The following PTPRZ1 variants were observed in gnomAD, a reference collection of about 807,000 sequenced individuals.
PTPRZ1 encodes receptor-type tyrosine-protein phosphatase zeta.
Under a neutral mutation model 214.1 loss-of-function variants are expected in PTPRZ1, and 82 were observed. That is an observed-to-expected ratio of 0.38 (90% CI 0.32 to 0.46). The LOEUF is 0.46. Among genes scored for constraint, PTPRZ1 ranks in the 20% least tolerant of loss-of-function variants. The pLI is 1.00. For synonymous variants in PTPRZ1, 945 were observed against 987.9 expected (o/e 0.96, Z 0.81); for missense variants, 2,603 against 2,748.7 (o/e 0.95, Z 1.19).
At position 122,013,143 on chromosome 7, in the gene PTPRZ1, C is replaced by G; in HGVS notation, c.4097C>G (p.Ser1366Cys). The change falls in exon 12 of 30, where the codon TCT becomes TGT. Residue 1366 changes from serine to cysteine, a missense_variant. By Grantham distance (112) the Ser-to-Cys change is moderately radical. This residue lies in a region of PTPRZ1 where 1,913 missense variants were observed against 1,914.3 expected (regional missense o/e 1.00). Coordinates refer to ENST00000393386, the MANE Select transcript of PTPRZ1 (RefSeq NM_002851.3). ...GATACATTTGTATCTACTGATCATT[C>G]TGTTCCTATAGGAAATGGGCATGTT... Reference protein sequence around the residue: ...ASDTFVSTDHSVPIGNGHVAI... With the variant: ...ASDTFVSTDHCVPIGNGHVAI... 1 of 1,614,000 alleles carries G rather than the reference C, an allele frequency of 6.2e-7. No homozygotes were observed. Among genetic ancestry groups the G allele is most frequent in the Non-Finnish European group, 8.5e-7 (1 of 1,179,874 alleles).
chr7:121,924,415 T>C (rs1320508192), intron 1 of PTPRZ1, among the ~76,000 whole-genome samples: 2 of 152,192 alleles, frequency 1.3e-5, no homozygotes, highest in African/African-American at 2.4e-5. Flanking sequence ...GGGTACTCTC[T>C]CACGCCCAAG....
chr7:121,997,095 C>G (rs953571043), intron 9 of PTPRZ1, among the ~76,000 whole-genome samples: 2 of 152,114 alleles, frequency 1.3e-5, no homozygotes, highest in Non-Finnish European at 2.9e-5. Flanking sequence ...CCAGCGCATG[C>G]GAATAAAGTA....
chr7:122,026,462 C>T (rs555049847), intron 13 of PTPRZ1, among the ~76,000 whole-genome samples: 1 of 152,290 alleles, frequency 6.6e-6, no homozygotes, highest in African/African-American at 2.4e-5. Flanking sequence ...ATGCTCCATT[C>T]ATAGTTGCAC....
rs1055083611 is a variant in PTPRZ1, at chr7:122,061,225, G to A, written c.*5G>A. 8 of 1,579,218 alleles carry A rather than the reference G, an allele frequency of 5.1e-6. No homozygotes were observed. Among genetic ancestry groups the A allele is most frequent in the Admixed American group, 1.8e-5 (1 of 56,802 alleles). On this transcript the variant is annotated 3_prime_UTR_variant, in exon 30 of 30. Coordinates refer to ENST00000393386, the MANE Select transcript of PTPRZ1 (RefSeq NM_002851.3). ...AGCTTAGAGTCTTTAGTTTAACACA[G>A]AAAGGGGTGGGGGAACTCACATCTG...
At chr7:121,890,695 G>A (rs571916191) in intron 1 of PTPRZ1, among the ~76,000 whole-genome samples, 1 of 151,786 alleles carries the variant, frequency 6.6e-6, no homozygotes, top group Non-Finnish European at 1.5e-5. Flanking sequence ...TTTAGAGACA[G>A]GTCTCCCTCT....
chr7:122,041,728 A>T (rs114407377), intron 21 of PTPRZ1, among the ~76,000 whole-genome samples: 1 of 152,304 alleles, frequency 6.6e-6, no homozygotes, highest in African/African-American at 2.4e-5. Flanking sequence ...ATTGTTATCA[A>T]AGCAGTGTGT....
At position 122,013,653 on chromosome 7, in the gene PTPRZ1, A is replaced by G; in HGVS notation, c.4607A>G (p.Glu1536Gly). Residue 1536 changes from glutamate (E) to glycine (G), a missense_variant, in exon 12 of 30, where the codon GAA becomes GGA. Physicochemically the swap from Glu to Gly is moderately conservative, Grantham distance 98 (BLOSUM62 -2). Coordinates refer to ENST00000393386, the MANE Select transcript of PTPRZ1 (RefSeq NM_002851.3). Reference protein sequence around the residue: ...TGSALLPLSPESKAWAVLTSD... With the variant: ...TGSALLPLSPGSKAWAVLTSD... ...AGTGCTCTGCTTCCTCTCAGCCCTGAATCTAAAGCATGGGCAGTTCTGACA... is the reference window on the plus strand; with the variant it reads ...AGTGCTCTGCTTCCTCTCAGCCCTGGATCTAAAGCATGGGCAGTTCTGACA... 3 of 1,614,230 alleles carry G rather than the reference A, an allele frequency of 1.9e-6. No individual in the cohort carries two copies. Among genetic ancestry groups the G allele is most frequent in the Non-Finnish European group, 2.5e-6 (3 of 1,180,030 alleles).
intron 2 of PTPRZ1, among the ~76,000 whole-genome samples, chr7:121,959,118 C>T (rs773068739): frequency 1.3e-5 from 2 of 152,146 alleles, no homozygotes; most frequent in Non-Finnish European, 2.9e-5. Flanking sequence ...CCACCACGCC[C>T]GGCCCCTAGT....
intron 14 of PTPRZ1, among the ~76,000 whole-genome samples, chr7:122,029,195 A>G (rs758384737): frequency 6.6e-6 from 1 of 151,982 alleles, no homozygotes; most frequent in Non-Finnish European, 1.5e-5. Flanking sequence ...GTTGCTTGAA[A>G]TAATCTCTCA....
intron 8 of PTPRZ1, among the ~76,000 whole-genome samples, chr7:121,987,950 A>T (rs991202356): frequency 1.3e-5 from 2 of 152,218 alleles, no homozygotes; most frequent in South Asian, 4.1e-4. Context: ...GTTCTCACTT[A>T]TAAGTGGGAG....
chr7:121,984,190 CAAAT>C, intron 8 of PTPRZ1, 73 bp downstream of exon 8: 3 of 1,339,674 alleles, frequency 2.2e-6, no homozygotes, highest in Non-Finnish European at 3.1e-6. Flanking sequence ...GGTAAACTGA[CAAAT>C]ATAGAGGACT....
rs997721311 is a variant in PTPRZ1 at position 122,042,683 on chromosome 7, C to T, written c.5877C>T (p.Val1959=). 1 of 1,613,598 alleles carries T rather than the reference C, an allele frequency of 6.2e-7. No individual in the cohort carries two copies. Among genetic ancestry groups the T allele is most frequent in the Middle Eastern group, 1.7e-4 (1 of 6,060 alleles). Residue 1959 remains valine, a synonymous_variant, in exon 22 of 30, where the codon GTC becomes GTT. Coordinates refer to ENST00000393386, the MANE Select transcript of PTPRZ1 (RefSeq NM_002851.3). ...AGCAGATTCAACACGAAGGAACTGT[C>T]AACATATTTGGCTTCTTAAAACACA... is the stretch of plus-strand genomic sequence containing the variant. ...MLQQIQHEGT[V]NIFGFLKHIR... is the part of the protein sequence containing the mutation.
intron 4 of PTPRZ1, among the ~76,000 whole-genome samples, chr7:121,975,548 G>A (rs541317498): frequency 2.0e-4 from 30 of 152,200 alleles, no homozygotes; most frequent in South Asian, 6.2e-4. Context: ...TATGCTTTAT[G>A]CTCTCAGAGG....
At chr7:121,900,793 A>G (rs1460651669) in intron 1 of PTPRZ1, among the ~76,000 whole-genome samples, 1 of 152,208 alleles carries the variant, frequency 6.6e-6, no homozygotes, top group African/African-American at 2.4e-5. Context: ...CACTGTGATC[A>G]GTGTTTGGGA....
chr7:121,896,034 A>C (rs1490277446), intron 1 of PTPRZ1, among the ~76,000 whole-genome samples: 1 of 152,112 alleles, frequency 6.6e-6, no homozygotes, highest in Non-Finnish European at 1.5e-5. Context: ...TCATTTATAG[A>C]TATATTCACT....
Position 122,012,785 on chromosome 7 carries a change from T to A in PTPRZ1, c.3739T>A (p.Ser1247Thr), listed in dbSNP as rs756554323. 2.5e-6 allele frequency: 4 copies of A among 1,611,734 alleles called. No homozygotes were observed. Among genetic ancestry groups the A allele is most frequent in the Non-Finnish European group, 3.4e-6 (4 of 1,177,840 alleles). Residue 1247 changes from serine (S) to threonine (T), a missense_variant, in exon 12 of 30, where the codon TCG (serine) becomes ACG (threonine). Transcript: ENST00000393386. ...HSTSVPVFDV[S>T]PTSHMHSASL... ...TACATCTGTACCAGTTTTTGATGTGTCGCCTACTTCTCATATGCACTCTGC... is the reference window on the plus strand; with the variant it reads ...TACATCTGTACCAGTTTTTGATGTGACGCCTACTTCTCATATGCACTCTGC...
In PTPRZ1 at chr7:122,061,760, T is replaced by A. The variant is rs1453462175; in HGVS notation, c.*540T>A. ...CCAAATTTATATTTATAATTGTAGA[T>A]TTTTATATTTTACTACTGAGTCAAG... On this transcript the variant is annotated 3_prime_UTR_variant, in exon 30 of 30. Coordinates refer to ENST00000393386, the MANE Select transcript of PTPRZ1 (RefSeq NM_002851.3). 6.6e-6 allele frequency: 1 copy of A among 152,622 alleles called. No homozygotes were observed. The highest frequency in any genetic ancestry group is 2.4e-5 in the African/African-American group (1 of 41,450). 9.5% of individuals were successfully genotyped at this position (152,622 alleles called of 1,614,324 possible). A position where few individuals can be genotyped will look rare whatever the true frequency, so the allele number is the denominator to read the frequency against.
chr7:122,039,495 G>T lies in PTPRZ1; in HGVS notation c.5544G>T (p.Glu1848Asp), dbSNP rs1010400649. 1.9e-6 allele frequency: 3 copies of T among 1,614,050 alleles called. No homozygotes were observed. The South Asian group carries it at 3.3e-5, about 18-fold the overall frequency. The stretch of plus-strand genomic sequence containing the variant: ...ACTGGCCTGCCGATGGGAGTGAGGA[G>T]TACGGGAACTTTCTGGTCACTCAGA... ...DQYWPADGSE[E>D]YGNFLVTQKS... is the part of the protein sequence containing the mutation. The change falls in exon 20 of 30, where the codon GAG (glutamate) becomes GAT (aspartate). Residue 1848 changes from glutamate (E) to aspartate (D), a missense_variant. Glu to Asp is a conservative substitution (Grantham distance 45). Around this residue, in one of 6 missense-constraint regions of PTPRZ1, gnomAD observed 1,913 missense variants for 1,914.3 expected, o/e 1.00. Coordinates refer to ENST00000393386, the MANE Select transcript of PTPRZ1 (RefSeq NM_002851.3).
chr7:121,972,367 T>C (rs1797278189), intron 3 of PTPRZ1, among the ~76,000 whole-genome samples, 174 bp from the exon 4 acceptor site: 2 of 152,204 alleles, frequency 1.3e-5, no homozygotes, highest in African/African-American at 4.8e-5. Flanking sequence ...GGCAATAAGA[T>C]ATAAGTATAT....
Sources: allele counts gnomAD v4.1 joint callset (sites outside exome capture counted in the v4.1 genomes callset), GRCh38; gene constraint gnomAD v4.1.1; regional missense constraint gnomAD v4.1.1; transcripts MANE v1.5; gene names NCBI Gene and HGNC (gene_info 2026-07-23, HGNC 2026-07-21).